The following PPL variants were observed in gnomAD, a reference collection of about 807,000 sequenced individuals.
PPL encodes the protein periplakin.
In PPL, 198 loss-of-function variants were observed where a neutral mutation model predicts 194.4. The ratio of observed to expected loss-of-function variants is 1.02; its 90% CI spans 0.91 to 1.15. The LOEUF (loss-of-function observed/expected upper bound fraction) is 1.15. PPL is among the 50% of genes most tolerant of loss of function. The pLI is 0.00. For synonymous variants in PPL, 1,220 were observed against 972.4 expected, an observed-to-expected ratio of 1.25 and a Z score of -4.74; for missense variants, 2,885 against 2,294.8, an observed-to-expected ratio of 1.26 and a Z score of -5.25.
rs146680114 is a variant in PPL at position 4,928,615 on chromosome 16, C to A, written c.62+8369G>T. On this transcript the variant is annotated intron_variant, in intron 1 of 21. Transcript: ENST00000345988. ...TTTAGGGTTTCAAATTCTCTGCCTT[C>A]GCCATGGCGATGGTTTGTTTCCCAT... Among the ~76,000 whole-genome samples, 323 of 152,334 alleles carry A rather than the reference C, an allele frequency of 2.1e-3. 2 individuals are homozygous for A. The highest frequency in any genetic ancestry group is 7.1e-3 in the African/African-American group (294 of 41,568).
At chr16:4,930,897 C>T (rs745919741) in intron 1 of PPL, among the ~76,000 whole-genome samples, 14 of 152,116 alleles carry the variant, frequency 9.2e-5, no homozygotes, top group Non-Finnish European at 1.3e-4. Flanking sequence ...AAAGAGAGGT[C>T]TGGGGCAGGG....
chr16:4,915,453 T>C (rs2088899293), intron 1 of PPL, among the ~76,000 whole-genome samples: 1 of 152,182 alleles, frequency 6.6e-6, no homozygotes, highest in South Asian at 2.1e-4. Context: ...ACCTCAGACA[T>C]ATTCACAGGC....
intron 1 of PPL, among the ~76,000 whole-genome samples, chr16:4,921,081 A>C (rs1470733136): frequency 6.6e-6 from 1 of 152,154 alleles, no homozygotes; most frequent in Non-Finnish European, 1.5e-5. Flanking sequence ...GAGTCGACTG[A>C]GGCTGTTTTT....
chr16:4,883,205 G>A lies in PPL; in HGVS notation c.*179C>T. The A allele has an allele frequency of 1.3e-6, 1 of 748,798 alleles. No individual in the cohort carries two copies. The highest frequency in any genetic ancestry group is 2.6e-5 in the East Asian group (1 of 38,150). The allele number at this position is 748,798 out of a possible 1,614,324, so 46.4% of individuals were successfully genotyped here. On this transcript the variant is annotated 3_prime_UTR_variant, in exon 22 of 22. Transcript: ENST00000345988. The surrounding 1 kb of genome is among the most constrained non-coding windows in gnomAD (Gnocchi z 4.8). Reference sequence around the variant, plus strand: ...GTGAATGATGGTTGGGACGAGAGTTGCCTGTCTTCAGCCAGTGCCTGTCTC... The same window carrying A: ...GTGAATGATGGTTGGGACGAGAGTTACCTGTCTTCAGCCAGTGCCTGTCTC...
At chr16:4,904,456 AGT>A (rs2088641670) in intron 2 of PPL, among the ~76,000 whole-genome samples, 1 of 152,128 alleles carries the variant, frequency 6.6e-6, no homozygotes, top group East Asian at 1.9e-4. Flanking sequence ...CCTCCAAGTC[AGT>A]GTTTATGAAA....
rs762717695 is a variant in PPL at position 4,936,978 on chromosome 16, C to T, written c.62+6G>A. 3 of 1,588,224 alleles carry T rather than the reference C, an allele frequency of 1.9e-6. No homozygotes were observed. Among genetic ancestry groups the T allele is most frequent in the South Asian group, 2.2e-5 (2 of 89,280 alleles). ...TCCCGGAGCGGAGCTGTGGGCGCCT[C>T]CTCACCTCCGGGTCTGCACAGTGGG... On this transcript the variant is annotated splice_donor_region_variant and intron_variant, in intron 1 of 21. Coordinates refer to ENST00000345988, the MANE Select transcript of PPL (RefSeq NM_002705.5).
chr16:4,893,886 A>C, intron 12 of PPL: 1 of 554,132 alleles, frequency 1.8e-6, no homozygotes, highest in Non-Finnish European at 3.2e-6. Flanking sequence ...AATCACCACC[A>C]AGATGTTACT....
chr16:4,902,968 C>T lies in PPL; in HGVS notation c.318-442G>A, dbSNP rs1052064763. Among the ~76,000 whole-genome samples the T allele has an allele frequency of 1.1e-4, 17 of 152,066 alleles. No homozygotes were observed. The highest frequency in any genetic ancestry group is 1.5e-5 in the Non-Finnish European group (1 of 68,004). On this transcript the variant is annotated intron_variant, in intron 3 of 21. Transcript: ENST00000345988. The surrounding 1 kb of genome is among the most constrained non-coding windows in gnomAD (Gnocchi z 4.0). ...CCTCCCGAAGTGCTGGGATCACAGG[C>T]GTGAGCCACCGTGCCTGGCCCCACC...
At position 4,897,695 on chromosome 16, in the gene PPL, A is replaced by C. The variant is rs1475751300; in HGVS notation, c.952T>G (p.Tyr318Asp). The change falls in exon 9 of 22, where the codon TAC (tyrosine) becomes GAC (aspartate). Residue 318 changes from tyrosine (Y) to aspartate (D), a missense_variant. Tyr to Asp is a radical substitution (Grantham distance 160, BLOSUM62 -3). Coordinates refer to ENST00000345988, the MANE Select transcript of PPL (RefSeq NM_002705.5). ...AGTACCTGGTGGTAGTCCTCCATGT[A>C]CTTGAGGTGGCTCTCCTCGCAGATG... ...LLICEESHLKYMEDYHQFHED... is the reference protein window; with the variant it reads ...LLICEESHLKDMEDYHQFHED... The C allele has an allele frequency of 6.2e-7, 1 of 1,613,768 alleles. No homozygotes were observed. The highest frequency in any genetic ancestry group is 1.3e-5 in the African/African-American group (1 of 75,034).
At chr16:4,932,537 G>GT (rs1216590651) in intron 1 of PPL, among the ~76,000 whole-genome samples, 2 of 151,724 alleles carry the variant, frequency 1.3e-5, no homozygotes, top group African/African-American at 4.8e-5. Flanking sequence ...AGCCTCCCCA[G>GT]TATCTGGCTG....
At chr16:4,919,524 A>G (rs138156650) in intron 1 of PPL, among the ~76,000 whole-genome samples, 1,763 of 152,170 alleles carry the variant, frequency 0.012, 37 homozygotes, top group African/African-American at 0.041. Context: ...TCGGCCTCCC[A>G]AAGTGCTAGG....
rs923450271 is a variant in PPL at position 4,902,795 on chromosome 16, T to A, written c.318-269A>T. 1.2e-4 allele frequency among the ~76,000 whole-genome samples: 19 copies of A among 152,062 alleles called. No individual in the cohort carries two copies. The highest frequency in any genetic ancestry group is 4.6e-4 in the African/African-American group (19 of 41,412). On this transcript the variant is annotated intron_variant, in intron 3 of 21. Coordinates refer to ENST00000345988, the MANE Select transcript of PPL (RefSeq NM_002705.5). The surrounding 1 kb of genome is among the most constrained non-coding windows in gnomAD (Gnocchi z 4.0). ...GCCTCCGCCTCCCAGGTTCAAGCAA[T>A]TCTCCTGCCTCAACCTCCCGAGTAG...
chr16:4,885,420 G>T lies in PPL; in HGVS notation c.3235C>A (p.Arg1079Ser), dbSNP rs779295320. ...EYQQLQEDHQ[R>S]QDQLREKQEE... is the part of the protein sequence containing the mutation. The stretch of plus-strand genomic sequence containing the variant: ...TGCTTCTCCCTGAGCTGGTCCTGGC[G>T]CTGGTGGTCCTCCTGCAGCTGCTGG... The change falls in exon 22 of 22, where the codon CGC becomes AGC. Residue 1079 changes from arginine to serine, a missense_variant. By Grantham distance (110) the Arg-to-Ser change is moderately radical. Coordinates refer to ENST00000345988, the MANE Select transcript of PPL (RefSeq NM_002705.5). This position sits in a 1 kb window ranked among gnomAD's most constrained non-coding sequence, Gnocchi z 6.3. 3.1e-6 allele frequency: 5 copies of T among 1,612,606 alleles called. No individual in the cohort carries two copies. Among genetic ancestry groups the T allele is most frequent in the Non-Finnish European group, 3.4e-6 (4 of 1,179,988 alleles).
chr16:4,891,162 G>A (rs1272188036), intron 16 of PPL, among the ~76,000 whole-genome samples: 1 of 152,268 alleles, frequency 6.6e-6, no homozygotes, highest in Non-Finnish European at 1.5e-5. Context: ...GGCAGCTCGT[G>A]CCCTGCGCGA....
chr16:4,895,984 G>A (rs7200819), intron 9 of PPL, among the ~76,000 whole-genome samples: 115,805 of 152,204 alleles, frequency 0.76, 45,804 homozygotes, highest in Non-Finnish European at 0.87. Context: ...TTTCTTGGAT[G>A]TATCAGTAAG....
At chr16:4,901,580 T>G (rs1288577170) in intron 4 of PPL, among the ~76,000 whole-genome samples, 3 of 151,700 alleles carry the variant, frequency 2.0e-5, no homozygotes, top group African/African-American at 7.3e-5. Flanking sequence ...TCCCAGCTAC[T>G]TGAGAGGCTG....
intron 19 of PPL, 139 bp downstream of exon 19, chr16:4,888,839 T>G (rs181378048): frequency 2.8e-4 from 223 of 798,108 alleles, no homozygotes; most frequent in Middle Eastern, 2.2e-3. Context: ...CTGTGCCAGT[T>G]TGCACAGCAG....
chr16:4,936,428 C>T (rs1179733544), intron 1 of PPL, among the ~76,000 whole-genome samples: 1 of 152,200 alleles, frequency 6.6e-6, no homozygotes, highest in Non-Finnish European at 1.5e-5. Context: ...GTGGCCCGCC[C>T]CCTCCGGACA....
rs149914927 is a variant in PPL, at chr16:4,885,876, C to T, written c.2779G>A (p.Gly927Arg). The T allele has an allele frequency of 6.5e-4, 1,046 of 1,609,248 alleles. 1 individual carries two copies. The highest frequency in any genetic ancestry group is 1.4e-3 in the South Asian group (124 of 91,092). Residue 927 changes from glycine to arginine, a missense_variant, in exon 22 of 22, where the codon GGG (glycine) becomes AGG (arginine). Coordinates refer to ENST00000345988, the MANE Select transcript of PPL (RefSeq NM_002705.5). This position sits in a 1 kb window ranked among gnomAD's most constrained non-coding sequence, Gnocchi z 6.3. ...TTCCTCACCACCGATTCCTGAGGCC[C>T]CTGATTCCTCAAGGTCCAGATTTCT... ...QEEIWTLRNQGPQESVVRKEV... is the reference protein window; with the variant it reads ...QEEIWTLRNQRPQESVVRKEV...
Sources: allele counts gnomAD v4.1 joint callset (sites outside exome capture counted in the v4.1 genomes callset), GRCh38; gene constraint gnomAD v4.1.1; non-coding constraint Gnocchi (gnomAD v3.1); transcripts MANE v1.5; gene names NCBI Gene and HGNC (gene_info 2026-07-23, HGNC 2026-07-21).